TRA2A: variants seen among roughly 807,000 people sequenced by gnomAD.
TRA2A encodes transformer 2 alpha homolog.
TRA2A carries 31 observed loss-of-function variants against 45.7 expected under a neutral mutation model. The ratio of observed to expected loss-of-function variants is 0.68; its 90% CI spans 0.51 to 0.92. The LOEUF is 0.92. TRA2A is among the 40% of genes least tolerant of loss of function. TRA2A has a pLI of 0.00. For synonymous variants in TRA2A, 132 were observed against 126.2 expected (o/e 1.05, Z -0.31); for missense variants, 304 against 367.5 (o/e 0.83, Z 1.41).
chr7:23,530,795 G>A (rs1790543064), intron 1 of TRA2A, among the ~76,000 whole-genome samples: 1 of 152,080 alleles, frequency 6.6e-6, no homozygotes, highest in Admixed American at 6.6e-5. Flanking sequence ...ATGGGAGAGG[G>A]CCTGTTAATT....
chr7:23,526,654 T>C (rs902047725), intron 1 of TRA2A, among the ~76,000 whole-genome samples: 5 of 152,182 alleles, frequency 3.3e-5, no homozygotes, highest in African/African-American at 9.6e-5. Context: ...CAGACCCCTA[T>C]GAAGTTAAAG....
At chr7:23,524,575 T>C (rs769293262) in intron 1 of TRA2A, among the ~76,000 whole-genome samples, 41 of 152,304 alleles carry the variant, frequency 2.7e-4, no homozygotes, top group African/African-American at 9.1e-4. Context: ...CTTCTTTCTT[T>C]TTATCTCAGA....
intron 4 of TRA2A, among the ~76,000 whole-genome samples, chr7:23,510,771 T>G (rs1238127592): frequency 6.6e-6 from 1 of 152,204 alleles, no homozygotes; most frequent in East Asian, 1.9e-4. Context: ...TCAGATATCC[T>G]AGTATTTCTA....
intron 4 of TRA2A, among the ~76,000 whole-genome samples, chr7:23,508,424 T>A (rs1789440912): frequency 6.6e-6 from 1 of 152,134 alleles, no homozygotes. Context: ...TGTGCCACCA[T>A]GCTCGGCTAA....
rs550164041 is a variant in TRA2A, at chr7:23,516,485, T to C, written c.214A>G (p.Arg72Gly). ...CTCCTATGAGAGTGAGAGTGGGATC[T>C]GGATCGAGTGTAACGTCTATGAGAA... ...RHSHRRYTRS[R>G]SHSHSHRRRS... Residue 72 changes from arginine to glycine, a missense_variant, in exon 3 of 8, where the codon AGA becomes GGA. Coordinates refer to ENST00000297071, the MANE Select transcript of TRA2A (RefSeq NM_013293.5). 6.2e-7 allele frequency: 1 copy of C among 1,614,268 alleles called. No individual in the cohort carries two copies. Among genetic ancestry groups the C allele is most frequent in the African/African-American group, 1.3e-5 (1 of 75,076 alleles).
chr7:23,512,471 T>C lies in TRA2A; in HGVS notation c.525+423A>G, dbSNP rs958029289. ...CAAAATCAGCAAGATCCTATCTTTT[T>C]TTTTTGAGACGGAGTCTCACTGTGT... On this transcript the variant is annotated intron_variant, in intron 4 of 7. Coordinates refer to ENST00000297071, the MANE Select transcript of TRA2A (RefSeq NM_013293.5). Among the ~76,000 whole-genome samples, 3 of 152,248 alleles carry C rather than the reference T, an allele frequency of 2.0e-5. No individual in the cohort carries two copies. The East Asian group carries it at 5.8e-4, about 29-fold the overall frequency.
chr7:23,527,239 C>CA (rs1790375554), intron 1 of TRA2A, among the ~76,000 whole-genome samples: 2 of 152,068 alleles, frequency 1.3e-5, no homozygotes, highest in Non-Finnish European at 2.9e-5. Flanking sequence ...CTAGTCACTC[C>CA]ATCTTTGGTG....
intron 5 of TRA2A, chr7:23,507,125 TA>T (rs1295845019): frequency 6.7e-6 from 2 of 297,272 alleles, no homozygotes; most frequent in Non-Finnish European, 1.2e-5. Context: ...AACCCCTACT[TA>T]TGTTTTTTTT....
intron 4 of TRA2A, among the ~76,000 whole-genome samples, chr7:23,507,864 C>T (rs1339586988): frequency 6.6e-6 from 1 of 152,096 alleles, no homozygotes; most frequent in Non-Finnish European, 1.5e-5. Flanking sequence ...GTTCAATTCC[C>T]ATTCCCCACT....
At chr7:23,505,593 AAAAAAAAAAAAAAAAGTTAACAAT>A in intron 7 of TRA2A, 24 bp from the exon 8 acceptor site, 1 of 590,150 alleles carries the variant, frequency 1.7e-6, no homozygotes, top group Non-Finnish European at 3.0e-6. Flanking sequence ...AGCAAAAAAA[AAAAAAAAAAAAAAAAGTTAACAAT>A]TATAGTTTAA....
intron 2 of TRA2A, among the ~76,000 whole-genome samples, chr7:23,518,809 C>T (rs868461763): frequency 2.6e-5 from 4 of 152,016 alleles, no homozygotes; most frequent in Admixed American, 1.3e-4. Context: ...CTCAGCCTCC[C>T]GAGTTCCTGG....
intron 7 of TRA2A, 68 bp from the exon 8 acceptor site, chr7:23,505,637 T>G: frequency 3.4e-6 from 2 of 588,390 alleles, no homozygotes. Flanking sequence ...ATTTGCCTCA[T>G]ATTTTTCCAA....
intron 2 of TRA2A, among the ~76,000 whole-genome samples, chr7:23,518,022 T>A (rs1406480366): frequency 6.6e-6 from 1 of 151,850 alleles, no homozygotes; most frequent in Non-Finnish European, 1.5e-5. Flanking sequence ...CACTGCAACC[T>A]CTCTCTCCCA....
At chr7:23,516,268 T>C (rs1789865562) in intron 3 of TRA2A, 95 bp downstream of exon 3, 1 of 1,309,792 alleles carries the variant, frequency 7.6e-7, no homozygotes, top group Non-Finnish European at 1.1e-6. Flanking sequence ...GTATCACTTC[T>C]AAACAATGGC....
chr7:23,521,981 C>G, intron 1 of TRA2A, 141 bp from the exon 2 acceptor site: 2 of 1,426,354 alleles, frequency 1.4e-6, no homozygotes, highest in South Asian at 1.4e-5. Flanking sequence ...AATTTCAGCT[C>G]AATAATAACC....
At chr7:23,508,645 C>A (rs914693252) in intron 4 of TRA2A, among the ~76,000 whole-genome samples, 1 of 152,204 alleles carries the variant, frequency 6.6e-6, no homozygotes, top group Non-Finnish European at 1.5e-5. Flanking sequence ...CAGGCATGCG[C>A]CACCATGCCC....
At chr7:23,531,251 A>G (rs1790569032) in intron 1 of TRA2A, 2 of 987,296 alleles carry the variant, frequency 2.0e-6, no homozygotes, top group Non-Finnish European at 2.4e-6. Flanking sequence ...CGCCGGTTCC[A>G]ACAGAGACGC....
At position 23,531,850 on chromosome 7, in the gene TRA2A, A is replaced by C. The variant is rs757271945; in HGVS notation, c.-26T>G. 4 of 1,613,390 alleles carry C rather than the reference A, an allele frequency of 2.5e-6. No homozygotes were observed. The highest frequency in any genetic ancestry group is 3.4e-6 in the Non-Finnish European group (4 of 1,179,890). ...GTCGACGAGGCGCTCCCCAGAACTA[A>C]ATAAGAGACAAGTCTCGGCTCGAGG... On this transcript the variant is annotated 5_prime_UTR_variant, in exon 1 of 8. The change creates a new upstream start codon in the 5' untranslated region. Coordinates refer to ENST00000297071, the MANE Select transcript of TRA2A (RefSeq NM_013293.5).
At chr7:23,531,222 G>C (rs571823742) in intron 1 of TRA2A, 48 of 986,850 alleles carry the variant, frequency 4.9e-5, no homozygotes, top group Non-Finnish European at 5.7e-5. Context: ...CAAGGCTTTC[G>C]CCTTTTTAGA....
Sources: gnomAD v4.1 joint callset for allele counts (sites outside exome capture counted in the v4.1 genomes callset) on GRCh38, gnomAD v4.1.1 for gene constraint, MANE v1.5 for transcripts, NCBI Gene and HGNC (gene_info 2026-07-23, HGNC 2026-07-21) for gene names.